Variants in UST observed in about 807,000 individuals in gnomAD.
UST encodes the protein uronyl 2-sulfotransferase.
UST carries 21 observed loss-of-function variants against 45.6 expected under a neutral mutation model. The observed-to-expected ratio is 0.46, with a 90% CI of 0.33 to 0.66. The LOEUF is 0.66. UST is among the 30% of genes least tolerant of loss of function. The pLI, the probability that UST is intolerant of heterozygous loss-of-function variation, is 0.02. For synonymous variants in UST, 215 were observed against 200.6 expected (o/e 1.07, Z -0.61); for missense variants, 463 against 512.4 (o/e 0.90, Z 0.93).
chr6:148,879,353 G>C (rs983622306), intron 1 of UST, among the ~76,000 whole-genome samples: 2 of 152,236 alleles, frequency 1.3e-5, no homozygotes, highest in Admixed American at 6.5e-5. Flanking sequence ...CTGAGATGAA[G>C]ATGAGCCTCG....
At chr6:148,838,274 A>G (rs988039894) in intron 1 of UST, among the ~76,000 whole-genome samples, 7 of 152,102 alleles carry the variant, frequency 4.6e-5, no homozygotes, top group African/African-American at 1.2e-4. Flanking sequence ...GGCAGGGTGG[A>G]CTCAAGGAGC....
intron 2 of UST, among the ~76,000 whole-genome samples, chr6:148,925,916 T>C (rs1403064254): frequency 6.6e-6 from 1 of 152,244 alleles, no homozygotes; most frequent in Non-Finnish European, 1.5e-5. Context: ...ACCACATACA[T>C]TCACAGAAGG....
intron 5 of UST, among the ~76,000 whole-genome samples, chr6:148,993,287 G>A (rs1051056141): frequency 2.0e-5 from 3 of 152,084 alleles, no homozygotes; most frequent in Admixed American, 2.0e-4. Context: ...TGGGCTGGGG[G>A]CCAGGAAGAT....
rs1192722694 is a variant in UST at position 148,934,814 on chromosome 6, C to T, written c.292-6465C>T. On this transcript the variant is annotated intron_variant, in intron 2 of 7. Transcript: ENST00000367463. The surrounding 1 kb of genome is among the most constrained non-coding windows in gnomAD (Gnocchi z 4.1). ...TCTCATCCTAGACTGTGATTCAGTT[C>T]GTCTTAGAGTGTGGCCCAGAAATCT... Among the ~76,000 whole-genome samples, 2 of 151,208 alleles carry T rather than the reference C, an allele frequency of 1.3e-5. No homozygotes were observed. The highest frequency in any genetic ancestry group is 2.5e-5 in the African/African-American group (1 of 40,686).
At chr6:148,920,568 A>G (rs1779683571) in intron 2 of UST, among the ~76,000 whole-genome samples, 1 of 152,080 alleles carries the variant, frequency 6.6e-6, no homozygotes, top group South Asian at 2.1e-4. Flanking sequence ...TTGCTCTGTC[A>G]CTCAGGCTGG....
intron 2 of UST, among the ~76,000 whole-genome samples, chr6:148,912,938 GA>G (rs1779504917): frequency 6.6e-6 from 1 of 152,184 alleles, no homozygotes; most frequent in Non-Finnish European, 1.5e-5. Flanking sequence ...AATCCACTGG[GA>G]ATCTTGTGAA....
At chr6:148,796,622 T>TTAAA (rs1449754454) in intron 1 of UST, among the ~76,000 whole-genome samples, 1 of 44,440 alleles carries the variant, frequency 2.3e-5, no homozygotes, top group Non-Finnish European at 4.5e-5. Flanking sequence ...AGACTCTGTC[T>TTAAA]CAAAAAAAAA....
intron 5 of UST, among the ~76,000 whole-genome samples, chr6:148,967,904 T>A (rs1780834658): frequency 6.6e-6 from 1 of 152,180 alleles, no homozygotes; most frequent in Non-Finnish European, 1.5e-5. Context: ...GCTCTGAGGA[T>A]GAAATAATAT....
At chr6:148,967,264 C>T (rs931830435) in intron 5 of UST, among the ~76,000 whole-genome samples, 1 of 151,882 alleles carries the variant, frequency 6.6e-6, no homozygotes, top group Non-Finnish European at 1.5e-5. Flanking sequence ...CAGATCGATC[C>T]TTGGCAAGGC....
intron 7 of UST, among the ~76,000 whole-genome samples, chr6:149,045,224 A>C (rs1225435496): frequency 6.6e-6 from 1 of 152,206 alleles, no homozygotes; most frequent in Non-Finnish European, 1.5e-5. Flanking sequence ...AAACCCGTGC[A>C]TTTGAAATTT....
At chr6:148,760,599 A>G (rs1016875683) in intron 1 of UST, among the ~76,000 whole-genome samples, 1 of 152,164 alleles carries the variant, frequency 6.6e-6, no homozygotes, top group African/African-American at 2.4e-5. Flanking sequence ...TCTGTTTACC[A>G]GTACTTTCTC....
chr6:148,978,581 C>G (rs921378290), intron 5 of UST, among the ~76,000 whole-genome samples: 1 of 151,992 alleles, frequency 6.6e-6, no homozygotes, highest in African/African-American at 2.4e-5. Flanking sequence ...AACAGAAAAC[C>G]AAACACCGCA....
At chr6:148,769,966 C>T (rs1429969471) in intron 1 of UST, among the ~76,000 whole-genome samples, 1 of 151,660 alleles carries the variant, frequency 6.6e-6, no homozygotes, top group African/African-American at 2.4e-5. Context: ...TTTCAAAGGA[C>T]TAGATAAAAA....
chr6:148,917,092 G>T (rs1162950577), intron 2 of UST, among the ~76,000 whole-genome samples: 1 of 152,218 alleles, frequency 6.6e-6, no homozygotes, highest in African/African-American at 2.4e-5. Context: ...GTCCTAGGCA[G>T]GGCTTGGAGG....
At chr6:148,968,859 G>A (rs750792198) in intron 5 of UST, among the ~76,000 whole-genome samples, 1 of 152,340 alleles carries the variant, frequency 6.6e-6, no homozygotes, top group Non-Finnish European at 1.5e-5. Flanking sequence ...TTGAAGAATA[G>A]GAAGAAAAGG....
chr6:148,991,004 T>C (rs1332637848), intron 5 of UST, among the ~76,000 whole-genome samples: 1 of 152,170 alleles, frequency 6.6e-6, no homozygotes, highest in Non-Finnish European at 1.5e-5. Flanking sequence ...CCACCTGTCA[T>C]GGAGCTGACA....
chr6:148,786,147 C>T (rs1253696047), intron 1 of UST, among the ~76,000 whole-genome samples: 1 of 151,668 alleles, frequency 6.6e-6, no homozygotes, highest in Admixed American at 6.6e-5. Flanking sequence ...AAATTTGCCT[C>T]AAAGAGTTTC....
At chr6:148,907,186 G>A (rs542133390) in intron 2 of UST, among the ~76,000 whole-genome samples, 6 of 152,244 alleles carry the variant, frequency 3.9e-5, no homozygotes, top group Admixed American at 2.6e-4. Context: ...TGGCCAACAC[G>A]GGAATTGATG....
chr6:148,906,119 G>A (rs1051633797), intron 2 of UST, among the ~76,000 whole-genome samples: 1 of 152,214 alleles, frequency 6.6e-6, no homozygotes, highest in Non-Finnish European at 1.5e-5. Context: ...CCATGATGCA[G>A]TGCCTCTAGC....
Sources: gnomAD v4.1 joint callset for allele counts (sites outside exome capture counted in the v4.1 genomes callset) on GRCh38, gnomAD v4.1.1 for gene constraint, Gnocchi (gnomAD v3.1) non-coding constraint, MANE v1.5 for transcripts, NCBI Gene and HGNC (gene_info 2026-07-23, HGNC 2026-07-21) for gene names.